The following ATRX variants were observed in gnomAD, a reference collection of about 807,000 sequenced individuals.
ATRX encodes ATRX chromatin remodeler.
Under a neutral mutation model 172.6 loss-of-function variants are expected in ATRX, and 12 were observed. The ratio of observed to expected loss-of-function variants is 0.07; its 90% CI spans 0.04 to 0.11. The LOEUF is 0.11. ATRX is among the 10% of genes least tolerant of loss of function. ATRX has a pLI of 1.00. For missense variants in ATRX, 1,368 were observed against 1,767.4 expected, an observed-to-expected ratio of 0.77 and a Z score of 4.05; for synonymous variants, 674 against 594.7, an observed-to-expected ratio of 1.13 and a Z score of -1.94.
At chrX:77,698,748 C>T (rs1213351107) in intron 2 of ATRX, 119 bp from the exon 3 acceptor site, 1 of 546,863 alleles carries the variant, frequency 1.8e-6, no homozygotes, top group East Asian at 3.6e-5. Flanking sequence ...GTATTGTTAA[C>T]ATACTACTCA....
chrX:77,598,698 A>T lies in ATRX; in HGVS notation c.5956+713T>A, dbSNP rs1255359965. Among the ~76,000 whole-genome samples, 20 of 112,059 alleles carry T rather than the reference A, an allele frequency of 1.8e-4. No homozygotes were observed. The Admixed American group carries it at 1.9e-3, about 11-fold the overall frequency. ...CCAGTTTTTAAGCTCCTAGGCATAC[A>T]GGCTGCACTAGTAGGATACAGTGTC... On this transcript the variant is annotated intron_variant, in intron 25 of 34. Coordinates refer to ENST00000373344, the MANE Select transcript of ATRX (RefSeq NM_000489.6).
chrX:77,634,412 A>G, intron 17 of ATRX, 182 bp downstream of exon 17: 4 of 417,251 alleles, frequency 9.6e-6, no homozygotes, highest in Non-Finnish European at 1.3e-5. Context: ...GAAAGTACAT[A>G]TTTCTTATTT....
chrX:77,656,331 C>T (rs187204368), intron 13 of ATRX, among the ~76,000 whole-genome samples: 1 of 111,656 alleles, frequency 9.0e-6, no homozygotes, highest in East Asian at 2.8e-4. Flanking sequence ...ACTGCAGACA[C>T]GAGTGGTTTT....
rs1557096843 is a variant in ATRX at position 77,616,507 on chromosome X, C to A, written c.5566+106G>T. The A allele has an allele frequency of 1.5e-5, 18 of 1,176,605 alleles. No homozygotes were observed. In the East Asian group the frequency reaches 5.1e-4, roughly 33 times the overall value. ...TAAGCATACCCATTTTATTCAAATG[C>A]AAAACTGAAAAAGAACAACAGACAT... On this transcript the variant is annotated intron_variant, in intron 22 of 34. Transcript: ENST00000373344.
At chrX:77,548,996 A>C (rs2064353041) in intron 30 of ATRX, among the ~76,000 whole-genome samples, 1 of 112,292 alleles carries the variant, frequency 8.9e-6, no homozygotes. Flanking sequence ...TTTCTATGCC[A>C]GTTTTATTGG....
chrX:77,679,989 A>T (rs1286773625), intron 9 of ATRX, among the ~76,000 whole-genome samples: 1 of 111,490 alleles, frequency 9.0e-6, no homozygotes, highest in Non-Finnish European at 1.9e-5. Flanking sequence ...AATCTAAAAC[A>T]CTCTCAAAAT....
At chrX:77,672,664 T>C (rs782244587) in intron 10 of ATRX, among the ~76,000 whole-genome samples, 1 of 110,213 alleles carries the variant, frequency 9.1e-6, no homozygotes, top group East Asian at 2.8e-4. Flanking sequence ...TTTTTAGCAA[T>C]CTCCACATCA....
chrX:77,526,402 CA>C (rs1216066815), intron 30 of ATRX, among the ~76,000 whole-genome samples: 1 of 111,361 alleles, frequency 9.0e-6, no homozygotes, highest in African/African-American at 3.3e-5. Flanking sequence ...TCCCAGGTTC[CA>C]GCGATTCTCC....
intron 28 of ATRX, among the ~76,000 whole-genome samples, chrX:77,573,131 T>TATA (rs2065476305): frequency 8.9e-6 from 1 of 112,117 alleles, no homozygotes; most frequent in Non-Finnish European, 1.9e-5. Flanking sequence ...CCACATAATG[T>TATA]GTTGGTCAAT....
intron 12 of ATRX, among the ~76,000 whole-genome samples, chrX:77,658,882 G>A (rs996706937): frequency 1.8e-5 from 2 of 111,698 alleles, no homozygotes; most frequent in African/African-American, 6.5e-5. Flanking sequence ...CACTATTTGT[G>A]TAACATTTCT....
intron 28 of ATRX, among the ~76,000 whole-genome samples, chrX:77,572,079 T>G (rs2065435686): frequency 8.9e-6 from 1 of 111,744 alleles, no homozygotes; most frequent in Non-Finnish European, 1.9e-5. Context: ...TCATTTTGTT[T>G]TTTGTTTCAT....
At chrX:77,716,874 C>T (rs2073460814) in intron 2 of ATRX, among the ~76,000 whole-genome samples, 1 of 112,218 alleles carries the variant, frequency 8.9e-6, no homozygotes, top group African/African-American at 3.2e-5. Context: ...TAACACATTT[C>T]CATTACATAT....
chrX:77,683,467 T>C lies in ATRX; in HGVS notation c.1789A>G (p.Asn597Asp), dbSNP rs1557140791. 8.3e-7 allele frequency: 1 copy of C among 1,210,494 alleles called. No homozygotes were observed. The highest frequency in any genetic ancestry group is 1.7e-5 in the African/African-American group (1 of 57,834). ...YVKLTPVSLS[N>D]SPIKGADCQE... ...CAATCAGCACCTTTAATTGGGGAAT[T>C]AGAAAGGGAAACAGGAGTGAGTTTA... Residue 597 changes from asparagine (N) to aspartate (D), a missense_variant, in exon 9 of 35, where the codon AAT (asparagine) becomes GAT (aspartate). Physicochemically the swap from Asn to Asp is conservative, Grantham distance 23 (BLOSUM62 1). Around this residue, in one of 17 missense-constraint regions of ATRX, gnomAD observed 843 missense variants for 643.1 expected, o/e 1.31. Coordinates refer to ENST00000373344, the MANE Select transcript of ATRX (RefSeq NM_000489.6).
At chrX:77,668,774 A>G (rs1557127769) in intron 10 of ATRX, among the ~76,000 whole-genome samples, 1 of 110,620 alleles carries the variant, frequency 9.0e-6, no homozygotes. Flanking sequence ...CATTACTAAA[A>G]GAAAGCACAA....
intron 9 of ATRX, among the ~76,000 whole-genome samples, chrX:77,676,807 G>T (rs1311008359): frequency 2.7e-5 from 3 of 112,582 alleles, no homozygotes; most frequent in Non-Finnish European, 5.6e-5. Context: ...ATAAAAAGCT[G>T]CATTTCTATA....
At chrX:77,640,251 C>A (rs1557110486) in intron 15 of ATRX, among the ~76,000 whole-genome samples, 2 of 111,405 alleles carry the variant, frequency 1.8e-5, no homozygotes, top group Non-Finnish European at 3.8e-5. Flanking sequence ...ATGGGATCCA[C>A]ATCCCAAACC....
chrX:77,540,577 C>T (rs782701947), intron 30 of ATRX, among the ~76,000 whole-genome samples: 15 of 111,933 alleles, frequency 1.3e-4, no homozygotes, highest in Non-Finnish European at 2.6e-4. Flanking sequence ...TAAAACACTC[C>T]TCAGCAAATG....
chrX:77,697,492 G>C, intron 4 of ATRX, 91 bp downstream of exon 4: 1 of 896,627 alleles, frequency 1.1e-6, no homozygotes, highest in Non-Finnish European at 1.6e-6. Context: ...CAGAATAGTG[G>C]TTGACATGAG....
intron 15 of ATRX, among the ~76,000 whole-genome samples, chrX:77,649,210 G>A (rs782769216): frequency 9.1e-6 from 1 of 109,669 alleles, no homozygotes; most frequent in East Asian, 2.9e-4. Context: ...AAGGAAGGGA[G>A]GAAGGAAGGA....
Sources: allele counts gnomAD v4.1 joint callset (sites outside exome capture counted in the v4.1 genomes callset), GRCh38; gene constraint gnomAD v4.1.1; regional missense constraint gnomAD v4.1.1; transcripts MANE v1.5; gene names NCBI Gene and HGNC (gene_info 2026-07-23, HGNC 2026-07-21).